DNAJC13: variants seen among roughly 807,000 people sequenced by gnomAD.
The protein encoded by DNAJC13 is DnaJ heat shock protein family (Hsp40) member C13.
A neutral mutation model predicts 290.5 loss-of-function variants in DNAJC13; 75 were observed. The ratio of observed to expected loss-of-function variants is 0.26; its 90% confidence interval spans 0.21 to 0.31. The LOEUF (loss-of-function observed/expected upper bound fraction) is 0.31. Among genes scored for constraint, DNAJC13 ranks in the 10% least tolerant of loss-of-function variants. The pLI is 1.00. For missense variants in DNAJC13, 2,260 were observed against 2,674.5 expected (o/e 0.85, Z 3.42); for synonymous variants, 862 against 892.0 (o/e 0.97, Z 0.60).
At chr3:132,432,556 A>AG (rs1173896384) in intron 1 of DNAJC13, among the ~76,000 whole-genome samples, 1 of 152,236 alleles carries the variant, frequency 6.6e-6, no homozygotes, top group Non-Finnish European at 1.5e-5. Context: ...AGGGAGAAAT[A>AG]GCTAAGTCAC....
intron 13 of DNAJC13, chr3:132,457,722 TG>T (rs1933659785): frequency 6.0e-6 from 1 of 165,388 alleles, no homozygotes; most frequent in Non-Finnish European, 1.3e-5. Context: ...CCAGTCTTTC[TG>T]GAAGATGTTA....
chr3:132,495,367 A>T (rs1935204604), intron 35 of DNAJC13, among the ~76,000 whole-genome samples: 1 of 152,126 alleles, frequency 6.6e-6, no homozygotes, highest in Non-Finnish European at 1.5e-5. Flanking sequence ...GGCCTTTATG[A>T]CTAGCAACTT....
chr3:132,423,973 G>A (rs1939028012), intron 1 of DNAJC13, among the ~76,000 whole-genome samples: 1 of 152,146 alleles, frequency 6.6e-6, no homozygotes, highest in Non-Finnish European at 1.5e-5. Context: ...GCCTTAATAA[G>A]CTGATAAGCT....
chr3:132,448,859 C>T (rs76264948), intron 5 of DNAJC13, among the ~76,000 whole-genome samples: 2 of 152,076 alleles, frequency 1.3e-5, no homozygotes, highest in African/African-American at 4.8e-5. Context: ...ATTTCTTGTT[C>T]CTGATGAGCC....
At chr3:132,497,412 G>T (rs1362849417) in intron 36 of DNAJC13, among the ~76,000 whole-genome samples, 1 of 152,218 alleles carries the variant, frequency 6.6e-6, no homozygotes, top group Non-Finnish European at 1.5e-5. Flanking sequence ...GCTATGGTAT[G>T]TTGGGAGAGA....
chr3:132,512,463 G>A (rs16839321), intron 44 of DNAJC13, among the ~76,000 whole-genome samples: 3,938 of 152,268 alleles, frequency 0.026, 195 homozygotes, highest in African/African-American at 0.089. Context: ...AGAATATGCT[G>A]AACAAAACGG....
chr3:132,419,577 A>C (rs894259567), intron 1 of DNAJC13, among the ~76,000 whole-genome samples: 3 of 152,216 alleles, frequency 2.0e-5, no homozygotes, highest in African/African-American at 4.8e-5. Context: ...AATTGAAAAG[A>C]TGTGTTTTAA....
chr3:132,482,211 C>CT lies in DNAJC13; in HGVS notation c.2875-9dup. On this transcript the variant is annotated splice_polypyrimidine_tract_variant and intron_variant, in intron 26 of 55. Coordinates refer to ENST00000260818, the MANE Select transcript of DNAJC13 (RefSeq NM_015268.4). ...TTCTGCCTTGGAAAATAATTTAAAT[C>CT]TTTTTTAAACTTAGAGCAATGTAAT... The CT allele has an allele frequency of 1.3e-6, 2 of 1,590,652 alleles. No individual in the cohort carries two copies. Among genetic ancestry groups the CT allele is most frequent in the South Asian group, 1.1e-5 (1 of 88,038 alleles).
chr3:132,477,102 A>G (rs1934496813), intron 22 of DNAJC13, among the ~76,000 whole-genome samples: 1 of 152,264 alleles, frequency 6.6e-6, no homozygotes, highest in Non-Finnish European at 1.5e-5. Context: ...GAATGAATTG[A>G]ATGCTTAGAC....
intron 55 of DNAJC13, among the ~76,000 whole-genome samples, chr3:132,537,006 G>GT (rs1349002632): frequency 1.3e-5 from 2 of 152,188 alleles, no homozygotes; most frequent in Non-Finnish European, 2.9e-5. Context: ...CACATCCATA[G>GT]TACCAATACT....
Position 132,499,327 on chromosome 3 carries a change from T to G in DNAJC13, c.4341+17T>G, listed in dbSNP as rs763777097. On this transcript the variant is annotated intron_variant, in intron 37 of 55. Transcript: ENST00000260818. ...GGACTAGAGGTAATACGGAGTGACC[T>G]TTGTGCTTTTTAAGCCAGTTTACAC... is the stretch of plus-strand genomic sequence containing the variant. 1.0e-4 allele frequency: 159 copies of G among 1,558,652 alleles called. No homozygotes were observed. Among genetic ancestry groups the G allele is most frequent in the Non-Finnish European group, 1.4e-5 (16 of 1,150,706 alleles).
chr3:132,514,107 C>T (rs954436725), intron 45 of DNAJC13, among the ~76,000 whole-genome samples: 13 of 152,114 alleles, frequency 8.5e-5, no homozygotes, highest in African/African-American at 1.2e-4. Flanking sequence ...TGCACTGAGA[C>T]GCTGACCAAT....
rs1279272356 is a variant in DNAJC13, at chr3:132,500,649, A to G, written c.4417-145A>G. On this transcript the variant is annotated intron_variant, in intron 38 of 55. Coordinates refer to ENST00000260818, the MANE Select transcript of DNAJC13 (RefSeq NM_015268.4). ...TCTTAATGAGAAAGACTAGTGATCT[A>G]GTAAAGACATTCTGTTTAATTTTGG... is the stretch of plus-strand genomic sequence containing the variant. The G allele has an allele frequency of 1.2e-5, 13 of 1,122,086 alleles. No homozygotes were observed. In the African/African-American group the frequency reaches 2.0e-4, roughly 18 times the overall value. The allele number at this position is 1,122,086 out of a possible 1,614,324, so 69.5% of individuals were successfully genotyped here.
chr3:132,477,951 C>T, intron 23 of DNAJC13, 30 bp from the exon 24 acceptor site: 1 of 1,600,100 alleles, frequency 6.2e-7, no homozygotes, highest in Non-Finnish European at 8.5e-7. Context: ...ATGGCTATTT[C>T]TATTGTGAAC....
Position 132,456,402 on chromosome 3 carries a change from G to GT in DNAJC13, c.1099+2dup. The stretch of plus-strand genomic sequence containing the variant: ...CTCAGGTTCTTAGCTACGCCTCCAA[G>GT]TAAGTATTGATTTAAATGTAATTAC... On this transcript the variant is annotated splice_donor_variant, in intron 10 of 55. Transcript: ENST00000260818. LOFTEE classifies it high-confidence loss of function. 1 of 1,612,298 alleles carries GT rather than the reference G, an allele frequency of 6.2e-7. No individual in the cohort carries two copies. The highest frequency in any genetic ancestry group is 8.5e-7 in the Non-Finnish European group (1 of 1,179,418).
chr3:132,437,265 A>C (rs1193704177), intron 2 of DNAJC13, among the ~76,000 whole-genome samples: 2 of 152,216 alleles, frequency 1.3e-5, no homozygotes, highest in Non-Finnish European at 2.9e-5. Flanking sequence ...TTCCGTGTAT[A>C]TGATTTGCAA....
intron 46 of DNAJC13, chr3:132,514,901 ACCTG>A: frequency 6.7e-6 from 1 of 149,228 alleles, no homozygotes; most frequent in Non-Finnish European, 1.2e-5. Flanking sequence ...AAGGAAAATA[ACCTG>A]GGATTTTCAG....
chr3:132,432,313 C>T (rs980824372), intron 1 of DNAJC13, among the ~76,000 whole-genome samples: 2 of 152,086 alleles, frequency 1.3e-5, no homozygotes, highest in Non-Finnish European at 2.9e-5. Flanking sequence ...AGAGATTCCC[C>T]TGCCTCAGCC....
chr3:132,532,747 T>C (rs534019649), intron 55 of DNAJC13, among the ~76,000 whole-genome samples: 1 of 151,982 alleles, frequency 6.6e-6, no homozygotes, highest in African/African-American at 2.4e-5. Context: ...TATTTTATTA[T>C]TTATTTTTTT....
Sources: gnomAD v4.1 joint callset for allele counts (sites outside exome capture counted in the v4.1 genomes callset) on GRCh38, gnomAD v4.1.1 for gene constraint, MANE v1.5 for transcripts, NCBI Gene and HGNC (gene_info 2026-07-23, HGNC 2026-07-21) for gene names.